Variants in BRINP1 observed in about 807,000 individuals in gnomAD.
The protein encoded by BRINP1 is BMP/retinoic acid-inducible neural-specific protein 1.
A neutral mutation model predicts 72.9 loss-of-function variants in BRINP1; 17 were observed. The observed-to-expected ratio is 0.23, with a 90% CI of 0.16 to 0.35. BRINP1 has a LOEUF of 0.35. Among genes scored for constraint, BRINP1 ranks in the 10% least tolerant of loss-of-function variants. The pLI is 1.00. For missense variants in BRINP1, 850 were observed against 1,001.6 expected (o/e 0.85, Z 2.04); for synonymous variants, 418 against 378.5 (o/e 1.10, Z -1.21).
At chr9:119,280,308 G>T (rs1242488582) in intron 2 of BRINP1, among the ~76,000 whole-genome samples, 3 of 151,336 alleles carry the variant, frequency 2.0e-5, no homozygotes, top group Non-Finnish European at 4.4e-5. Flanking sequence ...GTGCGATCTC[G>T]GCTCACTGCA....
intron 2 of BRINP1, among the ~76,000 whole-genome samples, chr9:119,294,625 G>T (rs1830855172): frequency 6.6e-6 from 1 of 152,114 alleles, no homozygotes. Flanking sequence ...CAGCACTTTG[G>T]AAGGCTGAGA....
intron 5 of BRINP1, among the ~76,000 whole-genome samples, chr9:119,234,435 TTTCA>T (rs3081998): frequency 0.091 from 13,907 of 152,130 alleles, 2,096 homozygotes; most frequent in African/African-American, 0.32. Context: ...TGTTCATGTC[TTTCA>T]TTCATTTTCT....
At chr9:119,326,843 CG>C (rs1467862939) in intron 1 of BRINP1, among the ~76,000 whole-genome samples, 3 of 152,142 alleles carry the variant, frequency 2.0e-5, no homozygotes, top group Admixed American at 2.0e-4. Context: ...CTGTGGAACA[CG>C]GGCCCCTAAA....
At chr9:119,229,960 T>C (rs1005190188) in intron 5 of BRINP1, among the ~76,000 whole-genome samples, 1 of 151,832 alleles carries the variant, frequency 6.6e-6, no homozygotes, top group African/African-American at 2.4e-5. Flanking sequence ...TCTAGGACAA[T>C]TGGAGAGTCA....
chr9:119,240,270 A>G (rs1250017197), intron 4 of BRINP1, among the ~76,000 whole-genome samples: 1 of 152,138 alleles, frequency 6.6e-6, no homozygotes, highest in East Asian at 1.9e-4. Context: ...CTCCATCTCA[A>G]AAAGACAACA....
At chr9:119,200,686 T>C (rs1458949407) in intron 7 of BRINP1, among the ~76,000 whole-genome samples, 2 of 145,614 alleles carry the variant, frequency 1.4e-5, no homozygotes, top group South Asian at 2.2e-4. Flanking sequence ...GTAAACTGGA[T>C]GGTAAACTGG....
intron 7 of BRINP1, among the ~76,000 whole-genome samples, chr9:119,202,069 T>C (rs772613690): frequency 1.5e-4 from 23 of 152,312 alleles, no homozygotes; most frequent in Middle Eastern, 6.8e-3. Flanking sequence ...GTCTCGGAGA[T>C]TGGTAGAATA....
At chr9:119,289,980 T>C (rs1474056350) in intron 2 of BRINP1, among the ~76,000 whole-genome samples, 1 of 152,206 alleles carries the variant, frequency 6.6e-6, no homozygotes, top group East Asian at 1.9e-4. Context: ...TACTGGCTGA[T>C]TCACCTGCAG....
At chr9:119,266,999 C>T (rs567323642) in intron 2 of BRINP1, among the ~76,000 whole-genome samples, 4 of 152,236 alleles carry the variant, frequency 2.6e-5, no homozygotes, top group Middle Eastern at 3.4e-3. Context: ...AAATCAGAAG[C>T]GGAGATGCCA....
intron 1 of BRINP1, among the ~76,000 whole-genome samples, chr9:119,362,943 C>T (rs1831651311): frequency 6.6e-6 from 1 of 152,226 alleles, no homozygotes; most frequent in African/African-American, 2.4e-5. Context: ...CAAAACTTCT[C>T]ACTCTCCTGT....
chr9:119,346,335 C>A (rs567548128), intron 1 of BRINP1, among the ~76,000 whole-genome samples: 101 of 152,212 alleles, frequency 6.6e-4, no homozygotes, highest in African/African-American at 2.3e-3. Context: ...CTTTTTGACC[C>A]CATGGCCAAA....
chr9:119,334,177 T>C (rs2119015092), intron 1 of BRINP1, among the ~76,000 whole-genome samples: 1 of 152,328 alleles, frequency 6.6e-6, no homozygotes, highest in Non-Finnish European at 1.5e-5. Context: ...CCTGCTTCCT[T>C]GCCAGGATGC....
intron 5 of BRINP1, among the ~76,000 whole-genome samples, chr9:119,235,281 C>G (rs1830183319): frequency 6.6e-6 from 1 of 152,204 alleles, no homozygotes; most frequent in South Asian, 2.1e-4. Context: ...TAATGTGCTG[C>G]AGAAGCCTTC....
intron 2 of BRINP1, among the ~76,000 whole-genome samples, chr9:119,253,046 A>G (rs1830409262): frequency 6.6e-6 from 1 of 152,174 alleles, no homozygotes; most frequent in Non-Finnish European, 1.5e-5. Context: ...AGAGTCAGGT[A>G]CTTGGGGAGA....
At chr9:119,190,086 A>T (rs1416026227) in intron 7 of BRINP1, among the ~76,000 whole-genome samples, 1 of 152,070 alleles carries the variant, frequency 6.6e-6, no homozygotes, top group African/African-American at 2.4e-5. Flanking sequence ...AGGTCAAAGA[A>T]GAAATCAAAA....
chr9:119,231,378 C>T (rs189832264), intron 5 of BRINP1, among the ~76,000 whole-genome samples: 15 of 152,166 alleles, frequency 9.9e-5, no homozygotes, highest in African/African-American at 2.6e-4. Flanking sequence ...TAAAACCATT[C>T]CTCCCATTTT....
intron 5 of BRINP1, among the ~76,000 whole-genome samples, chr9:119,238,314 T>C (rs1244426719): frequency 1.3e-5 from 2 of 152,162 alleles, no homozygotes; most frequent in African/African-American, 4.8e-5. Flanking sequence ...AAATAATGTA[T>C]ATGGAGCCCC....
At chr9:119,270,121 G>C (rs1261277702) in intron 2 of BRINP1, among the ~76,000 whole-genome samples, 1 of 151,864 alleles carries the variant, frequency 6.6e-6, no homozygotes, top group Non-Finnish European at 1.5e-5. Context: ...CTTGGTGAAA[G>C]AGCTTTCCAA....
chr9:119,198,292 A>G (rs1175539398), intron 7 of BRINP1, among the ~76,000 whole-genome samples: 1 of 152,218 alleles, frequency 6.6e-6, no homozygotes, highest in African/African-American at 2.4e-5. Context: ...TTCGTCCAAC[A>G]AAGAGCCCCA....
Sources: gnomAD v4.1 joint callset for allele counts (sites outside exome capture counted in the v4.1 genomes callset) on GRCh38, gnomAD v4.1.1 for gene constraint, MANE v1.5 for transcripts, NCBI Gene and HGNC (gene_info 2026-07-23, HGNC 2026-07-21) for gene names.